Variants in SYNE1 observed in about 807,000 individuals in gnomAD.
The protein encoded by SYNE1 is nesprin-1.
In SYNE1, 616 loss-of-function variants were observed where a neutral mutation model predicts 1,111.0. That is an observed-to-expected ratio of 0.55 (90% confidence interval 0.52 to 0.59). The LOEUF is 0.59. Ranked by LOEUF, SYNE1 falls within the 20% of genes least tolerant of loss-of-function variation. The probability of loss-of-function intolerance (pLI) is 0.00; values close to 1 mark genes in which losing one functional copy is unlikely to be tolerated. For missense variants in SYNE1, 10,006 were observed against 10,417.0 expected (o/e 0.96, Z 1.72); for synonymous variants, 3,855 against 3,825.8 (o/e 1.01, Z -0.28).
chr6:152,149,727 G>T (rs1484224894), intron 135 of SYNE1, 59 bp from the exon 136 acceptor site: 1 of 1,414,082 alleles, frequency 7.1e-7, no homozygotes, highest in Non-Finnish European at 1.0e-6. Context: ...TGATATAAAA[G>T]AATCATAATA....
chr6:152,237,955 T>A lies in SYNE1; in HGVS notation c.20068-1007A>T, dbSNP rs1018809683. On this transcript the variant is annotated intron_variant, in intron 108 of 145. Transcript: ENST00000367255. ...AACAGGGCACAGTAGTAGAAACCCA[T>A]GCTTTTTAAATACACTTACCAAATA... 1.2e-4 allele frequency among the ~76,000 whole-genome samples: 19 copies of A among 152,326 alleles called. No individual in the cohort carries two copies. The East Asian group carries it at 2.3e-3, about 19-fold the overall frequency.
At chr6:152,596,083 G>A (rs1427097375) in intron 3 of SYNE1, among the ~76,000 whole-genome samples, 2 of 85,966 alleles carry the variant, frequency 2.3e-5, no homozygotes, top group Non-Finnish European at 4.2e-5. Context: ...AGTGTGCCTG[G>A]CAAAAAGGGC....
intron 127 of SYNE1, among the ~76,000 whole-genome samples, chr6:152,200,736 G>A (rs182874566): frequency 9.2e-5 from 14 of 152,186 alleles, no homozygotes; most frequent in Admixed American, 4.6e-4. Flanking sequence ...TTCAAAATGC[G>A]CTTTTTAATC....
At chr6:152,285,568 C>T (rs1321679385) in intron 95 of SYNE1, among the ~76,000 whole-genome samples, 1 of 152,202 alleles carries the variant, frequency 6.6e-6, no homozygotes, top group East Asian at 1.9e-4. Flanking sequence ...GCTCACCATA[C>T]TCCAGCCTTC....
In SYNE1 at chr6:152,483,251, T is replaced by C. The variant is rs1564367601; in HGVS notation, c.1186-2A>G. The C allele has an allele frequency of 1.2e-6, 2 of 1,613,926 alleles. No individual in the cohort carries two copies. Among genetic ancestry groups the C allele is most frequent in the Non-Finnish European group, 1.7e-6 (2 of 1,179,876 alleles). On this transcript the variant is annotated splice_acceptor_variant, in intron 13 of 145. Transcript: ENST00000367255. LOFTEE classifies it high-confidence loss of function. Reference sequence around the variant, plus strand: ...AAGCTGTATATGCCAGTCAAAGAGCTAAAATTTAAAAAGCAGAAAAGTAAA... The same window carrying C: ...AAGCTGTATATGCCAGTCAAAGAGCCAAAATTTAAAAAGCAGAAAAGTAAA...
At chr6:152,352,826 T>A (rs1251669655) in intron 69 of SYNE1, among the ~76,000 whole-genome samples, 1 of 152,248 alleles carries the variant, frequency 6.6e-6, no homozygotes, top group African/African-American at 2.4e-5. Flanking sequence ...GAACCTTGGC[T>A]TCTTTATTTC....
In SYNE1 at chr6:152,425,362, T is replaced by C. The variant is rs770321821; in HGVS notation, c.5267+19A>G. The C allele has an allele frequency of 6.2e-7, 1 of 1,612,052 alleles. No homozygotes were observed. Among genetic ancestry groups the C allele is most frequent in the Non-Finnish European group, 8.5e-7 (1 of 1,178,388 alleles). ...AAAACAAATGAACAATATTAGAAGA[T>C]TTATCTTTTAGAACCAACCTTTTGT... On this transcript the variant is annotated intron_variant, in intron 39 of 145. Transcript: ENST00000367255.
intron 53 of SYNE1, among the ~76,000 whole-genome samples, chr6:152,388,664 A>G (rs2097560117): frequency 6.6e-6 from 1 of 152,182 alleles, no homozygotes; most frequent in South Asian, 2.1e-4. Flanking sequence ...AGTATTCCAA[A>G]ATACATCCTG....
chr6:152,409,477 G>T, intron 43 of SYNE1, 82 bp downstream of exon 43: 4 of 1,545,706 alleles, frequency 2.6e-6, no homozygotes, highest in Non-Finnish European at 3.5e-6. Context: ...ATACTGATAA[G>T]AATAGTGCAG....
At chr6:152,488,713 A>C (rs897685632) in intron 11 of SYNE1, among the ~76,000 whole-genome samples, 7 of 139,030 alleles carry the variant, frequency 5.0e-5, no homozygotes, top group African/African-American at 2.0e-4. Flanking sequence ...TGAATAACGA[A>C]ATTAACCAAC....
At chr6:152,344,800 T>C (rs868706778) in intron 73 of SYNE1, among the ~76,000 whole-genome samples, 2 of 152,310 alleles carry the variant, frequency 1.3e-5, no homozygotes, top group Non-Finnish European at 1.5e-5. Context: ...AATTCATACA[T>C]TTTCTGATAT....
intron 120 of SYNE1, 137 bp downstream of exon 120, chr6:152,218,866 C>A: frequency 2.1e-6 from 2 of 945,644 alleles, no homozygotes; most frequent in Non-Finnish European, 1.6e-6. Context: ...ACCAGAACTT[C>A]CAAGTTTGTT....
chr6:152,348,285 C>T (rs568897986), intron 72 of SYNE1, among the ~76,000 whole-genome samples: 1 of 152,226 alleles, frequency 6.6e-6, no homozygotes, highest in Non-Finnish European at 1.5e-5. Flanking sequence ...AGCCCCCAGG[C>T]TTTAGACACA....
In SYNE1 at chr6:152,444,626, T is replaced by A; in HGVS notation, c.3670-48A>T. On this transcript the variant is annotated intron_variant, in intron 29 of 145. Coordinates refer to ENST00000367255, the MANE Select transcript of SYNE1 (RefSeq NM_182961.4). ...AACACGTAAATCATATGCTACTTGT[T>A]GAAGTTTGTATAATTTTTTTGGTAA... The A allele has an allele frequency of 1.9e-6, 3 of 1,551,758 alleles. No individual in the cohort carries two copies. The Admixed American group carries it at 5.4e-5, about 28-fold the overall frequency.
intron 75 of SYNE1, among the ~76,000 whole-genome samples, chr6:152,338,253 T>C (rs2096450840): frequency 6.6e-6 from 1 of 152,230 alleles, no homozygotes; most frequent in Admixed American, 6.5e-5. Context: ...TGACATTTTT[T>C]TCCTGTGAAT....
chr6:152,136,566 T>C, intron 141 of SYNE1, 52 bp downstream of exon 141: 1 of 1,604,746 alleles, frequency 6.2e-7, no homozygotes, highest in Non-Finnish European at 8.5e-7. Flanking sequence ...CACACTCAGC[T>C]AAATTGCTAA....
intron 66 of SYNE1, among the ~76,000 whole-genome samples, chr6:152,357,334 C>A (rs529853360): frequency 6.6e-6 from 1 of 152,210 alleles, no homozygotes; most frequent in African/African-American, 2.4e-5. Context: ...GTAGAAAAAG[C>A]CAGAAATTTT....
At chr6:152,573,022 C>T (rs1014103063) in intron 3 of SYNE1, among the ~76,000 whole-genome samples, 2 of 151,888 alleles carry the variant, frequency 1.3e-5, no homozygotes, top group Non-Finnish European at 2.9e-5. Context: ...GTCAACTGCT[C>T]GAATTAGATA....
chr6:152,240,612 G>C (rs1470070054), intron 107 of SYNE1, among the ~76,000 whole-genome samples: 1 of 152,182 alleles, frequency 6.6e-6, no homozygotes, highest in Admixed American at 6.5e-5. Flanking sequence ...GCTGGCAACT[G>C]ATAATGACAG....
Sources: gnomAD v4.1 joint callset for allele counts (sites outside exome capture counted in the v4.1 genomes callset) on GRCh38, gnomAD v4.1.1 for gene constraint, MANE v1.5 for transcripts, NCBI Gene and HGNC (gene_info 2026-07-23, HGNC 2026-07-21) for gene names.